Variants in SRFBP1 observed in about 807,000 individuals in gnomAD.
SRFBP1 encodes serum response factor binding protein 1.
SRFBP1 carries 47 observed loss-of-function variants against 45.5 expected under a neutral mutation model. The observed-to-expected ratio is 1.03, with a 90% CI of 0.82 to 1.32. SRFBP1 has a LOEUF of 1.32. Ranked by LOEUF, SRFBP1 falls within the 40% of genes most tolerant of loss-of-function variation. SRFBP1 has a pLI of 0.00. For synonymous variants in SRFBP1, 203 were observed against 166.3 expected (o/e 1.22, Z -1.70); for missense variants, 621 against 484.6 (o/e 1.28, Z -2.64).
Position 121,989,088 on chromosome 5 carries a change from G to A in SRFBP1, c.199-5511G>A, listed in dbSNP as rs190697164. Among the ~76,000 whole-genome samples the A allele has an allele frequency of 3.9e-3, 592 of 151,874 alleles. 2 individuals are homozygous for A. Among genetic ancestry groups the A allele is most frequent in the Non-Finnish European group, 5.3e-3 (359 of 67,944 alleles). On this transcript the variant is annotated intron_variant, in intron 3 of 7. Coordinates refer to ENST00000339397, the MANE Select transcript of SRFBP1 (RefSeq NM_152546.3). ...GTTTGTTTGTTTGTTTGTTTGAGCCGGAGTCTAGCTCTATTGCCAGGCTGG... is the reference window on the plus strand; with the variant it reads ...GTTTGTTTGTTTGTTTGTTTGAGCCAGAGTCTAGCTCTATTGCCAGGCTGG...
intron 2 of SRFBP1, among the ~76,000 whole-genome samples, chr5:122,058,363 G>A (rs1173247330): frequency 1.3e-5 from 2 of 152,034 alleles, no homozygotes; most frequent in African/African-American, 2.4e-5. Flanking sequence ...TACATAATTA[G>A]TTTTTTGGAT....
At chr5:122,056,761 G>A (rs547722590) in intron 2 of SRFBP1, among the ~76,000 whole-genome samples, 1 of 152,282 alleles carries the variant, frequency 6.6e-6, no homozygotes, top group Non-Finnish European at 1.5e-5. Context: ...ATGCATCAAT[G>A]TGAATCTATA....
intron 2 of SRFBP1, among the ~76,000 whole-genome samples, chr5:122,046,731 T>C (rs1256365692): frequency 2.0e-5 from 3 of 152,230 alleles, no homozygotes; most frequent in Admixed American, 6.5e-5. Flanking sequence ...TTTTTAATGT[T>C]CGCCATTCTA....
intron 2 of SRFBP1, among the ~76,000 whole-genome samples, chr5:122,043,608 C>G (rs901031696): frequency 1.3e-5 from 2 of 152,166 alleles, no homozygotes; most frequent in African/African-American, 4.8e-5. Flanking sequence ...GTCACTGATT[C>G]TTTTACAATA....
At chr5:122,069,933 T>C (rs774769546) in intron 2 of SRFBP1, 1 of 787,396 alleles carries the variant, frequency 1.3e-6, no homozygotes, top group Non-Finnish European at 2.3e-6. Flanking sequence ...TTTTCTGCCT[T>C]TGGTCTGCTT....
intron 3 of SRFBP1, among the ~76,000 whole-genome samples, chr5:121,986,530 A>G (rs1752522104): frequency 6.6e-6 from 1 of 152,002 alleles, no homozygotes; most frequent in African/African-American, 2.4e-5. Context: ...TTATTCTCAT[A>G]TGGGCCCTAG....
At chr5:122,041,666 C>T (rs1297997341) in intron 2 of SRFBP1, among the ~76,000 whole-genome samples, 3 of 151,820 alleles carry the variant, frequency 2.0e-5, no homozygotes, top group Non-Finnish European at 4.4e-5. Context: ...TGATAATTTT[C>T]TCAGCCACCT....
chr5:122,049,176 G>A (rs1317157698), intron 2 of SRFBP1, among the ~76,000 whole-genome samples: 1 of 152,016 alleles, frequency 6.6e-6, no homozygotes, highest in Non-Finnish European at 1.5e-5. Flanking sequence ...AAGTGATGGA[G>A]GAAGATCTAC....
downstream of SRFBP1, among the ~76,000 whole-genome samples, chr5:122,031,241 A>T (rs1753584158): frequency 1.3e-5 from 2 of 152,244 alleles, no homozygotes; most frequent in Non-Finnish European, 2.9e-5. Context: ...AAGGTCAGTA[A>T]ACAGCAAAAT....
chr5:122,007,940 T>C (rs760231443), intron 4 of SRFBP1, among the ~76,000 whole-genome samples: 9 of 152,050 alleles, frequency 5.9e-5, no homozygotes, highest in Non-Finnish European at 1.0e-4. Context: ...TTGGGTGGGC[T>C]TGAAGCCTAG....
intron 3 of SRFBP1, among the ~76,000 whole-genome samples, chr5:121,985,382 A>T (rs1752490400): frequency 1.3e-5 from 2 of 151,602 alleles, no homozygotes; most frequent in African/African-American, 4.8e-5. Flanking sequence ...TAGAATCAAG[A>T]AATACAAAGC....
chr5:122,006,622 A>G (rs908464892), intron 4 of SRFBP1, among the ~76,000 whole-genome samples: 1 of 151,758 alleles, frequency 6.6e-6, no homozygotes, highest in Non-Finnish European at 1.5e-5. Flanking sequence ...CTGACTATAT[A>G]TTTTCACATA....
intron 2 of SRFBP1, among the ~76,000 whole-genome samples, chr5:122,038,297 G>A (rs558287213): frequency 6.6e-6 from 1 of 152,174 alleles, no homozygotes; most frequent in African/African-American, 2.4e-5. Context: ...CAAAATATAG[G>A]GTCTGGCACA....
chr5:122,017,358 T>C (rs1753211700), intron 4 of SRFBP1, among the ~76,000 whole-genome samples: 1 of 152,222 alleles, frequency 6.6e-6, no homozygotes, highest in South Asian at 2.1e-4. Flanking sequence ...TTTGAGCTAC[T>C]GGTGGCTGAT....
chr5:121,996,806 T>C (rs1466220456), intron 4 of SRFBP1, among the ~76,000 whole-genome samples: 2 of 134,972 alleles, frequency 1.5e-5, no homozygotes, highest in Non-Finnish European at 3.1e-5. Flanking sequence ...GATAAGCAAC[T>C]TCAGCAAAGT....
In SRFBP1 at chr5:122,045,978, G is replaced by A. The variant is rs989232372; in HGVS notation, n.311+23571G>A. ...CCAGCTTTTGCTTATTCAGTATGAT[G>A]TTGGCTGTGGGTTTGTCATAGATGG... On this transcript the variant is annotated intron_variant and non_coding_transcript_variant, in intron 2 of 2. Transcript: ENST00000504881. Among the ~76,000 whole-genome samples, 8 of 152,226 alleles carry A rather than the reference G, an allele frequency of 5.3e-5. No homozygotes were observed. The South Asian group carries it at 1.7e-3, about 32-fold the overall frequency.
chr5:122,050,125 G>A (rs867830449), intron 2 of SRFBP1, among the ~76,000 whole-genome samples: 6 of 152,278 alleles, frequency 3.9e-5, no homozygotes, highest in Admixed American at 6.5e-5. Context: ...GCTTTTTGCT[G>A]TGCTGCTGGA....
At chr5:122,073,367 T>C (rs1260673658) in intron 2 of SRFBP1, among the ~76,000 whole-genome samples, 1 of 152,230 alleles carries the variant, frequency 6.6e-6, no homozygotes, top group Non-Finnish European at 1.5e-5. Context: ...ATACTGTAGA[T>C]TTAAATATAT....
chr5:122,058,640 GC>G (rs1476813383), intron 2 of SRFBP1, among the ~76,000 whole-genome samples: 1 of 151,282 alleles, frequency 6.6e-6, no homozygotes, highest in Non-Finnish European at 1.5e-5. Flanking sequence ...ATATATCTGG[GC>G]TTTCTCACAA....
Sources: allele counts gnomAD v4.1 joint callset (sites outside exome capture counted in the v4.1 genomes callset), GRCh38; gene constraint gnomAD v4.1.1; transcripts MANE v1.5; gene names NCBI Gene and HGNC (gene_info 2026-07-23, HGNC 2026-07-21).